LUZP2: variants seen among roughly 807,000 people sequenced by gnomAD.
The protein encoded by LUZP2 is leucine zipper protein 2.
A neutral mutation model predicts 51.6 loss-of-function variants in LUZP2; 52 were observed. That is an observed-to-expected ratio of 1.01 (90% CI 0.81 to 1.27). LUZP2 has a LOEUF of 1.27. Among genes scored for constraint, LUZP2 ranks in the 50% most tolerant of loss-of-function variants. LUZP2 has a pLI of 0.00. For missense variants in LUZP2, 436 were observed against 395.4 expected (o/e 1.10, Z -0.87); for synonymous variants, 154 against 137.3 (o/e 1.12, Z -0.85).
chr11:24,707,332 G>A (rs1198505999), intron 1 of LUZP2, among the ~76,000 whole-genome samples: 2 of 151,722 alleles, frequency 1.3e-5, no homozygotes, highest in Non-Finnish European at 2.9e-5. Context: ...GTGTGCATGT[G>A]TGTGTCTTTA....
At chr11:24,649,154 T>G (rs970765542) in intron 1 of LUZP2, among the ~76,000 whole-genome samples, 3 of 151,926 alleles carry the variant, frequency 2.0e-5, no homozygotes, top group African/African-American at 7.2e-5. Flanking sequence ...AGACTTCCAT[T>G]TTTTGGGCCT....
Position 24,729,200 on chromosome 11 carries a change from AAAG to A in LUZP2, c.98_100del (p.Glu33del). 6.3e-7 allele frequency: 1 copy of A among 1,575,280 alleles called. No individual in the cohort carries two copies. Among genetic ancestry groups the A allele is most frequent in the Non-Finnish European group, 8.7e-7 (1 of 1,154,166 alleles). On this transcript the variant is annotated inframe_deletion, in exon 2 of 12. Transcript: ENST00000336930. ...CTATGAAGAGCTAGAAAAGCAGCTG[AAAG>A]AAGTCTTTAAGGAGCGAAGCACCAT...
intron 1 of LUZP2, among the ~76,000 whole-genome samples, chr11:24,632,378 A>C (rs1175926436): frequency 6.6e-6 from 1 of 152,050 alleles, no homozygotes; most frequent in African/African-American, 2.4e-5. Flanking sequence ...AGCAAATGTC[A>C]CCTAGAAAAT....
chr11:24,723,432 T>C (rs1182627691), intron 1 of LUZP2, among the ~76,000 whole-genome samples: 1 of 152,230 alleles, frequency 6.6e-6, no homozygotes, highest in African/African-American at 2.4e-5. Context: ...CATTGCAGCA[T>C]TACTCATAAT....
chr11:24,873,438 T>C (rs967903658), intron 5 of LUZP2, among the ~76,000 whole-genome samples: 2 of 152,206 alleles, frequency 1.3e-5, no homozygotes, highest in African/African-American at 4.8e-5. Flanking sequence ...AATTGTTGCA[T>C]TGTCATTATA....
rs1857587910 is a variant in LUZP2 at position 24,706,516 on chromosome 11, CCATTCT to C, written c.63-22651_63-22646del. ...CAAATTCTGCATTCTGCCCTTGTTT[CCATTCT>C]CTTCCTGTGCGGCCTTCTCTCAGTT... On this transcript the variant is annotated intron_variant, in intron 1 of 11. Coordinates refer to ENST00000336930, the MANE Select transcript of LUZP2 (RefSeq NM_001009909.4). Among the ~76,000 whole-genome samples, 7 of 152,236 alleles carry C rather than the reference CCATTCT, an allele frequency of 4.6e-5. No homozygotes were observed. In the South Asian group the frequency reaches 1.5e-3, roughly 32 times the overall value.
intron 1 of LUZP2, among the ~76,000 whole-genome samples, chr11:24,578,004 G>C (rs1852715169): frequency 6.6e-6 from 1 of 152,040 alleles, no homozygotes; most frequent in Non-Finnish European, 1.5e-5. Context: ...TTGTTTCTAA[G>C]AGCTCAGCCA....
chr11:24,723,986 C>T (rs1263579956), intron 1 of LUZP2, among the ~76,000 whole-genome samples: 1 of 151,924 alleles, frequency 6.6e-6, no homozygotes, highest in Non-Finnish European at 1.5e-5. Flanking sequence ...CAAACATAAG[C>T]AAATAATTTT....
chr11:24,900,373 T>C (rs1853239143), intron 5 of LUZP2, among the ~76,000 whole-genome samples: 1 of 152,266 alleles, frequency 6.6e-6, no homozygotes, highest in Non-Finnish European at 1.5e-5. Context: ...CTAGGTGAGC[T>C]CTAGTAATTT....
intron 9 of LUZP2, among the ~76,000 whole-genome samples, chr11:25,001,280 A>C (rs988396560): frequency 1.3e-5 from 2 of 152,318 alleles, no homozygotes; most frequent in African/African-American, 4.8e-5. Context: ...CAGCTCACAC[A>C]TTTGAGCAGA....
intron 5 of LUZP2, among the ~76,000 whole-genome samples, chr11:24,875,103 T>TA (rs1358974426): frequency 6.6e-6 from 1 of 151,994 alleles, no homozygotes; most frequent in African/African-American, 2.4e-5. Context: ...TCTTTTTTTT[T>TA]ATTTTATTAT....
intron 9 of LUZP2, among the ~76,000 whole-genome samples, chr11:25,024,134 T>C (rs1016814420): frequency 6.6e-6 from 1 of 152,170 alleles, no homozygotes; most frequent in Non-Finnish European, 1.5e-5. Flanking sequence ...GAGAGTTCTG[T>C]AGATGTCTAT....
chr11:24,540,503 G>C (rs1851324420), intron 1 of LUZP2, among the ~76,000 whole-genome samples: 1 of 152,088 alleles, frequency 6.6e-6, no homozygotes, highest in Non-Finnish European at 1.5e-5. Flanking sequence ...CTACAAGCCA[G>C]AAAGTGCCCT....
intron 5 of LUZP2, among the ~76,000 whole-genome samples, chr11:24,808,261 G>A (rs964163402): frequency 3.3e-5 from 5 of 152,070 alleles, no homozygotes; most frequent in Non-Finnish European, 7.4e-5. Context: ...AATATTTTGG[G>A]TTTTAGACAG....
chr11:24,772,066 A>G (rs531808049), intron 5 of LUZP2, among the ~76,000 whole-genome samples: 1 of 152,220 alleles, frequency 6.6e-6, no homozygotes, highest in South Asian at 2.1e-4. Context: ...ACCCCACAAT[A>G]TACAAAGACT....
intron 5 of LUZP2, among the ~76,000 whole-genome samples, chr11:24,839,647 A>C (rs1213859024): frequency 1.3e-5 from 2 of 151,806 alleles, no homozygotes; most frequent in South Asian, 2.1e-4. Context: ...TTATCTCTTC[A>C]TGGGCATCTT....
At chr11:24,678,078 G>GT (rs1460488100) in intron 1 of LUZP2, among the ~76,000 whole-genome samples, 1 of 120,230 alleles carries the variant, frequency 8.3e-6, no homozygotes, top group Non-Finnish European at 1.7e-5. Flanking sequence ...AGGAGAAAGG[G>GT]GGGGGGGGGT....
chr11:24,752,476 C>T (rs1370370711), intron 4 of LUZP2, among the ~76,000 whole-genome samples: 1 of 152,144 alleles, frequency 6.6e-6, no homozygotes, highest in African/African-American at 2.4e-5. Context: ...GAATAAACAG[C>T]AGACTGCAAG....
At position 24,664,018 on chromosome 11, in the gene LUZP2, C is replaced by A. The variant is rs184102655; in HGVS notation, c.63-65151C>A. Among the ~76,000 whole-genome samples, 601 of 152,126 alleles carry A rather than the reference C, an allele frequency of 4.0e-3. 3 individuals carry two copies. Among genetic ancestry groups the A allele is most frequent in the African/African-American group, 0.014 (564 of 41,490 alleles). ...ATTGCAACATAAAAATGAAGTAATACAGTAAATTGGTACCAGGTAGAACGG... is the reference window on the plus strand; with the variant it reads ...ATTGCAACATAAAAATGAAGTAATAAAGTAAATTGGTACCAGGTAGAACGG... On this transcript the variant is annotated intron_variant, in intron 1 of 11. Coordinates refer to ENST00000336930, the MANE Select transcript of LUZP2 (RefSeq NM_001009909.4).
Sources: gnomAD v4.1 joint callset for allele counts (sites outside exome capture counted in the v4.1 genomes callset) on GRCh38, gnomAD v4.1.1 for gene constraint, MANE v1.5 for transcripts, NCBI Gene and HGNC (gene_info 2026-07-23, HGNC 2026-07-21) for gene names.